LYRM9: variants seen among roughly 807,000 people sequenced by gnomAD.
The protein encoded by LYRM9 is LYR motif containing 9, also known as LYR motif-containing protein 9.
A neutral mutation model predicts 12.6 loss-of-function variants in LYRM9; 14 were observed. The observed-to-expected ratio is 1.11, with a 90% confidence interval of 0.73 to 1.73. The LOEUF (loss-of-function observed/expected upper bound fraction) is 1.73, where lower values mean the gene tolerates loss of function less well. Ranked by LOEUF, LYRM9 falls within the 40% of genes most tolerant of loss-of-function variation. The probability of loss-of-function intolerance (pLI) is 0.00; values close to 1 mark genes in which losing one functional copy is unlikely to be tolerated. For synonymous variants in LYRM9, 42 were observed against 35.1 expected (o/e 1.20, Z -0.69); for missense variants, 94 against 95.0 (o/e 0.99, Z 0.04).
intron 1 of LYRM9, among the ~76,000 whole-genome samples, chr17:27,890,896 C>A (rs1905416975): frequency 6.6e-6 from 1 of 151,514 alleles, no homozygotes; most frequent in Non-Finnish European, 1.5e-5. Context: ...TCTGTGTTCT[C>A]CCAAGCTAGC....
chr17:27,889,427 C>T (rs934718410), intron 1 of LYRM9, among the ~76,000 whole-genome samples: 7 of 152,056 alleles, frequency 4.6e-5, no homozygotes, highest in African/African-American at 1.7e-4. Context: ...CCTGCCTCAG[C>T]CTCCCCAGTA....
intron 1 of LYRM9, chr17:27,892,948 AGAGGGACGGTGGAGGG>A (rs1905507657): frequency 6.5e-6 from 1 of 152,762 alleles, no homozygotes; most frequent in Non-Finnish European, 1.5e-5. Context: ...TGCCGCGGGC[AGAGGGACGGTGGAGGG>A]GACATTCTCC....
At chr17:27,883,745 G>C (rs1010615116) in intron 1 of LYRM9, among the ~76,000 whole-genome samples, 4 of 141,392 alleles carry the variant, frequency 2.8e-5, no homozygotes, top group Non-Finnish European at 6.0e-5. Flanking sequence ...ACCGGTCACA[G>C]AGAGGTCTGA....
chr17:27,882,650 C>T lies in LYRM9; in HGVS notation c.45G>A (p.Gln15=), dbSNP rs754806999. 10 of 1,603,058 alleles carry T rather than the reference C, an allele frequency of 6.2e-6. No individual in the cohort carries two copies. Among genetic ancestry groups the T allele is most frequent in the Non-Finnish European group, 8.5e-6 (10 of 1,175,348 alleles). ...AACAGCGCAGCAAGTATCGGTAGAG[C>T]TGCAGTGGCCTCCGAACCAGTTCTG... The part of the protein sequence containing the change: ...PGAELVRRPL[Q]LYRYLLRCCQ... Residue 15 remains glutamine (Q), a synonymous_variant, in exon 2 of 4, where the codon CAG becomes CAA. Coordinates refer to ENST00000379102, the MANE Select transcript of LYRM9 (RefSeq NM_001076680.3).
At chr17:27,892,310 C>A in intron 1 of LYRM9, 1 of 421,194 alleles carries the variant, frequency 2.4e-6, no homozygotes, top group South Asian at 1.8e-5. Flanking sequence ...AGAAACTATA[C>A]TGTATTAGTT....
In LYRM9 at chr17:27,879,312, G is replaced by T; in HGVS notation, c.*161C>A. 1 of 621,056 alleles carries T rather than the reference G, an allele frequency of 1.6e-6. No homozygotes were observed. Among genetic ancestry groups the T allele is most frequent in the East Asian group, 3.3e-5 (1 of 30,680 alleles). 38.5% of individuals were successfully genotyped at this position (621,056 alleles called of 1,614,324 possible). A position where few individuals can be genotyped will look rare whatever the true frequency, so the allele number is the denominator to read the frequency against. ...AAACATAAAGGATGCTAGCAACATGGCCGCGGCAAGAGGAGCCTCTGGAGC... is the reference window on the plus strand; with the variant it reads ...AAACATAAAGGATGCTAGCAACATGTCCGCGGCAAGAGGAGCCTCTGGAGC... On this transcript the variant is annotated 3_prime_UTR_variant, in exon 4 of 4. Coordinates refer to ENST00000379102, the MANE Select transcript of LYRM9 (RefSeq NM_001076680.3).
chr17:27,879,386 G>T lies in LYRM9; in HGVS notation c.*87C>A. 7.0e-7 allele frequency: 1 copy of T among 1,436,436 alleles called. No homozygotes were observed. Among genetic ancestry groups the T allele is most frequent in the Non-Finnish European group, 9.4e-7 (1 of 1,065,450 alleles). 89.0% of individuals were successfully genotyped at this position (1,436,436 alleles called of 1,614,324 possible). On this transcript the variant is annotated 3_prime_UTR_variant, in exon 4 of 4. Coordinates refer to ENST00000379102, the MANE Select transcript of LYRM9 (RefSeq NM_001076680.3). ...CTGGCTTTCAGCCAACAAGGCCAAT[G>T]GCTCTTCCAAACCAGCTGCTGCTGC... is the stretch of plus-strand genomic sequence containing the variant.
rs1239428855 is a variant in LYRM9 at position 27,883,398 on chromosome 17, G to A, written c.-18-686C>T. The A allele has an allele frequency of 6.0e-5, 11 of 182,276 alleles. No homozygotes were observed. In the East Asian group the frequency reaches 6.9e-4, roughly 11 times the overall value. 11.3% of individuals were successfully genotyped at this position (182,276 alleles called of 1,614,324 possible). On this transcript the variant is annotated intron_variant, in intron 1 of 3. Transcript: ENST00000379102. ...TCATAAAAATCACAATGGGCTGGGC[G>A]TAGTGGCTCACGCCTTTAAGTAGGG...
chr17:27,882,581 A>G lies in LYRM9; in HGVS notation c.114T>C (p.His38=). Residue 38 remains histidine (H), a synonymous_variant, in exon 2 of 4, where the codon CAT becomes CAC. Transcript: ENST00000379102. The stretch of plus-strand genomic sequence containing the variant: ...AGCCAGCTCGCACCTGCCTGACAGC[A>G]TGCTTGTAATGCTGCTGGATGCCCT... ...PTKGIQQHYK[H]AVRQSFRVHS... is the part of the protein sequence containing the mutation. The G allele has an allele frequency of 6.3e-7, 1 of 1,592,622 alleles. No individual in the cohort carries two copies. The highest frequency in any genetic ancestry group is 2.1e-4 in the Middle Eastern group (1 of 4,834).
At chr17:27,880,793 G>C in intron 2 of LYRM9, 1 of 185,538 alleles carries the variant, frequency 5.4e-6, no homozygotes, top group South Asian at 1.2e-4. Context: ...TCGGCCCAGT[G>C]CTAGGAGAGC....
Position 27,882,553 on chromosome 17 carries a change from T to A in LYRM9, c.126+16A>T. On this transcript the variant is annotated intron_variant, in intron 2 of 3. Coordinates refer to ENST00000379102, the MANE Select transcript of LYRM9 (RefSeq NM_001076680.3). Reference sequence around the variant, plus strand: ...CATTAGAGGCAGCCCCCAGACCTGGTAGAGCCAGCTCGCACCTGCCTGACA... The same window carrying A: ...CATTAGAGGCAGCCCCCAGACCTGGAAGAGCCAGCTCGCACCTGCCTGACA... 6.4e-7 allele frequency: 1 copy of A among 1,566,848 alleles called. No homozygotes were observed. Among genetic ancestry groups the A allele is most frequent in the East Asian group, 2.3e-5 (1 of 43,538 alleles).
intron 1 of LYRM9, chr17:27,892,865 G>C (rs980641319): frequency 1.3e-5 from 2 of 153,566 alleles, no homozygotes; most frequent in Admixed American, 1.3e-4. Context: ...GAGCGAAAGG[G>C]TTTTGGCCAC....
intron 1 of LYRM9, among the ~76,000 whole-genome samples, chr17:27,889,443 G>T (rs1470522376): frequency 6.6e-6 from 1 of 152,036 alleles, no homozygotes; most frequent in Admixed American, 6.6e-5. Flanking sequence ...CAGTAGCTGG[G>T]ATTACATGTC....
At position 27,886,536 on chromosome 17, in the gene LYRM9, C is replaced by T. The variant is rs1172940484; in HGVS notation, c.-18-3824G>A. On this transcript the variant is annotated intron_variant, in intron 1 of 3. Coordinates refer to ENST00000379102, the MANE Select transcript of LYRM9 (RefSeq NM_001076680.3). This position sits in a 1 kb window ranked among gnomAD's most constrained non-coding sequence, Gnocchi z 4.8. ...GCCTCTGCATCCTGGCTCCCTGCCT[C>T]TGTGATGGCTCCTCCATCTTCCCAG... Among the ~76,000 whole-genome samples, 1 of 152,214 alleles carries T rather than the reference C, an allele frequency of 6.6e-6. No individual in the cohort carries two copies. Among genetic ancestry groups the T allele is most frequent in the Non-Finnish European group, 1.5e-5 (1 of 68,040 alleles).
chr17:27,883,064 T>A (rs1429455700), intron 1 of LYRM9: 15 of 476,160 alleles, frequency 3.2e-5, no homozygotes, highest in South Asian at 2.3e-4. Flanking sequence ...GGAAACCAGC[T>A]CTGACATCAG....
intron 1 of LYRM9, chr17:27,892,207 G>A (rs546503604): frequency 2.2e-4 from 61 of 278,754 alleles, no homozygotes; most frequent in Non-Finnish European, 5.6e-5. Context: ...TGAGATTATG[G>A]GCATGAGCCA....
At chr17:27,885,069 C>T (rs1466813740) in intron 1 of LYRM9, among the ~76,000 whole-genome samples, 1 of 152,126 alleles carries the variant, frequency 6.6e-6, no homozygotes. Flanking sequence ...TTGTCTGACC[C>T]CCACCATCTA....
At chr17:27,884,972 G>A (rs1905186395) in intron 1 of LYRM9, among the ~76,000 whole-genome samples, 1 of 152,110 alleles carries the variant, frequency 6.6e-6, no homozygotes, top group Non-Finnish European at 1.5e-5. Context: ...TATCTCCTCG[G>A]CAACAATAAA....
intron 1 of LYRM9, among the ~76,000 whole-genome samples, chr17:27,887,605 T>A (rs983240172): frequency 1.8e-4 from 27 of 152,172 alleles, no homozygotes; most frequent in Non-Finnish European, 4.0e-4. Flanking sequence ...CAACAGCCCA[T>A]GCTGTGTTTG....
Sources: allele counts gnomAD v4.1 joint callset (sites outside exome capture counted in the v4.1 genomes callset), GRCh38; gene constraint gnomAD v4.1.1; non-coding constraint Gnocchi (gnomAD v3.1); transcripts MANE v1.5; gene names NCBI Gene and HGNC (gene_info 2026-07-23, HGNC 2026-07-21).